Variants in ZFHX3 observed in about 807,000 individuals in gnomAD.
ZFHX3 encodes the protein zinc finger homeobox 3, also known as zinc finger homeobox protein 3.
Under a neutral mutation model 279.1 loss-of-function variants are expected in ZFHX3, and 42 were observed. That is an observed-to-expected ratio of 0.15 (90% CI 0.12 to 0.19). The LOEUF (loss-of-function observed/expected upper bound fraction) is 0.19, where lower values mean the gene tolerates loss of function less well. Among genes scored for constraint, ZFHX3 ranks in the 10% least tolerant of loss-of-function variants. ZFHX3 has a pLI of 1.00. For synonymous variants in ZFHX3, 2,293 were observed against 1,957.8 expected, an observed-to-expected ratio of 1.17 and a Z score of -4.52; for missense variants, 4,981 against 4,754.0, an observed-to-expected ratio of 1.05 and a Z score of -1.40.
At chr16:73,531,490 G>C (rs1479751532) in intron 2 of ZFHX3, among the ~76,000 whole-genome samples, 1 of 151,784 alleles carries the variant, frequency 6.6e-6, no homozygotes. Context: ...TGAGGTGGGG[G>C]GACTGCCTGA....
At chr16:73,758,341 G>C (rs747727048) in intron 1 of ZFHX3, among the ~76,000 whole-genome samples, 1 of 152,148 alleles carries the variant, frequency 6.6e-6, no homozygotes, top group Non-Finnish European at 1.5e-5. Context: ...ATGATATAAA[G>C]CAACTTCACC....
chr16:73,408,316 G>A (rs2017404166), intron 3 of ZFHX3, among the ~76,000 whole-genome samples: 1 of 152,112 alleles, frequency 6.6e-6, no homozygotes, highest in Non-Finnish European at 1.5e-5. Flanking sequence ...GTGAACTTGG[G>A]CAGAAGAAAT....
chr16:73,451,563 G>C (rs1459524177), intron 3 of ZFHX3, among the ~76,000 whole-genome samples: 1 of 152,150 alleles, frequency 6.6e-6, no homozygotes, highest in African/African-American at 2.4e-5. Flanking sequence ...GAAAGCATCG[G>C]TATTTTTGCT....
At chr16:72,811,161 A>C (rs2143585606) in intron 7 of ZFHX3, among the ~76,000 whole-genome samples, 1 of 152,328 alleles carries the variant, frequency 6.6e-6, no homozygotes, top group South Asian at 2.1e-4. Flanking sequence ...CTGGGATTAG[A>C]GGTGTGAGCT....
chr16:73,475,767 T>G (rs2018755392), intron 2 of ZFHX3, among the ~76,000 whole-genome samples: 2 of 152,300 alleles, frequency 1.3e-5, no homozygotes, highest in African/African-American at 4.8e-5. Flanking sequence ...TCCAATTTTC[T>G]ATTTTTTCAG....
chr16:73,761,452 A>T (rs563421659), intron 1 of ZFHX3, among the ~76,000 whole-genome samples: 2 of 152,314 alleles, frequency 1.3e-5, no homozygotes, highest in South Asian at 4.1e-4. Context: ...TTAAACTCCA[A>T]TTGACATTCT....
chr16:73,549,175 TG>T (rs2020167702), intron 2 of ZFHX3, among the ~76,000 whole-genome samples: 2 of 152,152 alleles, frequency 1.3e-5, no homozygotes, highest in South Asian at 2.1e-4. Flanking sequence ...CTAATAGAAA[TG>T]TTTTTTTTCC....
chr16:73,736,312 T>C (rs1164932652), intron 1 of ZFHX3, among the ~76,000 whole-genome samples: 1 of 152,152 alleles, frequency 6.6e-6, no homozygotes, highest in African/African-American at 2.4e-5. Context: ...GCAGCCTGCA[T>C]GGACCAAACT....
chr16:73,759,728 G>C (rs1317943825), intron 1 of ZFHX3, among the ~76,000 whole-genome samples: 1 of 152,102 alleles, frequency 6.6e-6, no homozygotes, highest in Non-Finnish European at 1.5e-5. Flanking sequence ...GGATACTTTG[G>C]TTTCCAGTAT....
At chr16:73,142,503 C>A (rs576542878) in intron 6 of ZFHX3, among the ~76,000 whole-genome samples, 4 of 152,136 alleles carry the variant, frequency 2.6e-5, no homozygotes, top group Admixed American at 2.6e-4. Flanking sequence ...ATCTGTTTCT[C>A]CCCCCATCGG....
At chr16:72,948,098 G>A (rs954588327) in intron 3 of ZFHX3, among the ~76,000 whole-genome samples, 9 of 152,186 alleles carry the variant, frequency 5.9e-5, no homozygotes, top group African/African-American at 1.7e-4. Context: ...CAATCCCAGC[G>A]GTGTCATCCA....
chr16:73,103,613 G>A (rs1966258167), intron 7 of ZFHX3, among the ~76,000 whole-genome samples: 1 of 152,286 alleles, frequency 6.6e-6, no homozygotes, highest in South Asian at 2.1e-4. Flanking sequence ...ACTCCTCAGG[G>A]GTAGGAATCA....
At chr16:73,187,159 C>CACACAT (rs1555503411) in intron 5 of ZFHX3, among the ~76,000 whole-genome samples, 8 of 151,876 alleles carry the variant, frequency 5.3e-5, no homozygotes, top group African/African-American at 1.9e-4. Context: ...CACACACACA[C>CACACAT]ACACACACAC....
chr16:73,289,172 T>A (rs947095727), intron 4 of ZFHX3, among the ~76,000 whole-genome samples: 1 of 151,574 alleles, frequency 6.6e-6, no homozygotes, highest in South Asian at 2.1e-4. Flanking sequence ...CTATTTGAAA[T>A]GCAATATTTA....
At position 73,248,641 on chromosome 16, in the gene ZFHX3, A is replaced by ATGTGTGTGTGTG. The variant is rs1346342752; in HGVS notation, c.-1104+8405_-1104+8406insCACACACACACA. The stretch of plus-strand genomic sequence containing the variant: ...GTGTCTACGTGCCTGTATGTGGAGA[A>ATGTGTGTGTGTG]TGTATGTGTGTGTGTGTGTGTGTGC... On this transcript the variant is annotated intron_variant, in intron 5 of 17. Coordinates refer to the ZFHX3 transcript ENST00000641206. Among the ~76,000 whole-genome samples the ATGTGTGTGTGTG allele has an allele frequency of 2.4e-4, 26 of 110,348 alleles. 1 individual carries two copies. Among genetic ancestry groups the ATGTGTGTGTGTG allele is most frequent in the Admixed American group, 1.6e-3 (17 of 10,356 alleles). 72.4% of individuals were successfully genotyped at this position (110,348 alleles called of 152,430 possible).
At position 73,588,219 on chromosome 16, in the gene ZFHX3, C is replaced by T. The variant is rs145942193; in HGVS notation, c.-1547+91961G>A. On this transcript the variant is annotated intron_variant, in intron 2 of 17. Coordinates refer to the ZFHX3 transcript ENST00000641206. ...TATATTAAAACTGACAATGAAAATGCTGAACTATATTTTAAAAGTTAAAGA... is the reference window on the plus strand; with the variant it reads ...TATATTAAAACTGACAATGAAAATGTTGAACTATATTTTAAAAGTTAAAGA... Among the ~76,000 whole-genome samples the T allele has an allele frequency of 1.3e-3, 196 of 152,122 alleles. 2 individuals are homozygous for T. Among genetic ancestry groups the T allele is most frequent in the African/African-American group, 4.5e-3 (186 of 41,502 alleles).
At chr16:73,390,823 T>G (rs1027307688) in intron 3 of ZFHX3, among the ~76,000 whole-genome samples, 16 of 152,068 alleles carry the variant, frequency 1.1e-4, no homozygotes, top group Non-Finnish European at 1.8e-4. Flanking sequence ...TGGTGTACCA[T>G]GTCAGAGTTA....
chr16:73,345,565 T>A (rs1259908716), intron 3 of ZFHX3, among the ~76,000 whole-genome samples: 1 of 152,204 alleles, frequency 6.6e-6, no homozygotes, highest in Non-Finnish European at 1.5e-5. Context: ...TGCGAGGACA[T>A]GATCTCGTTC....
At position 72,793,302 on chromosome 16, in the gene ZFHX3, G is replaced by A. The variant is rs138835662; in HGVS notation, c.9380C>T (p.Pro3127Leu). ...ALQGIPPVLL[P>L]GLNSPSLPGF... is the part of the protein sequence containing the mutation. ...TGGCAAGGAGGGGCTGTTGAGGCCC[G>A]GGAGCAACACAGGAGGAATGCCCTG... Residue 3127 changes from proline (P) to leucine (L), a missense_variant, in exon 9 of 10, where the codon CCG (proline) becomes CTG (leucine). By Grantham distance (98) the Pro-to-Leu change is moderately conservative. Coordinates refer to ENST00000268489, the MANE Select transcript of ZFHX3 (RefSeq NM_006885.4). The surrounding 1 kb of genome is among the most constrained non-coding windows in gnomAD (Gnocchi z 4.3). 1.2e-5 allele frequency: 19 copies of A among 1,614,090 alleles called. No homozygotes were observed. Among genetic ancestry groups the A allele is most frequent in the Non-Finnish European group, 1.4e-5 (17 of 1,179,972 alleles).
Sources: allele counts gnomAD v4.1 joint callset (sites outside exome capture counted in the v4.1 genomes callset), GRCh38; gene constraint gnomAD v4.1.1; non-coding constraint Gnocchi (gnomAD v3.1); transcripts MANE v1.5; gene names NCBI Gene and HGNC (gene_info 2026-07-23, HGNC 2026-07-21).